Variants in RNF8 observed in about 807,000 individuals in gnomAD.
RNF8 encodes the protein E3 ubiquitin-protein ligase RNF8.
Under a neutral mutation model 59.3 loss-of-function variants are expected in RNF8, and 8 were observed. The ratio of observed to expected loss-of-function variants is 0.13; its 90% CI spans 0.08 to 0.24. RNF8 has a LOEUF of 0.24. Among genes scored for constraint, RNF8 ranks in the 10% least tolerant of loss-of-function variants. RNF8 has a pLI of 1.00. For missense variants in RNF8, 406 were observed against 572.6 expected (o/e 0.71, Z 2.97); for synonymous variants, 162 against 200.0 (o/e 0.81, Z 1.60).
At position 37,360,234 on chromosome 6, in the gene RNF8, C is replaced by T. The variant is rs1339479560; in HGVS notation, c.112-212C>T. Among the ~76,000 whole-genome samples the T allele has an allele frequency of 1.3e-5, 2 of 152,158 alleles. No homozygotes were observed. The highest frequency in any genetic ancestry group is 2.9e-5 in the Non-Finnish European group (2 of 68,042). ...AGATACATGGATAACTCTTTTTCAG[C>T]TTTCTCTTGTTGTCACAACCGTTTG... On this transcript the variant is annotated intron_variant, in intron 1 of 7. Coordinates refer to ENST00000373479, the MANE Select transcript of RNF8 (RefSeq NM_003958.4). The surrounding 1 kb of genome is among the most constrained non-coding windows in gnomAD (Gnocchi z 4.2).
chr6:37,369,121 A>G lies in RNF8; in HGVS notation c.878A>G (p.Gln293Arg), dbSNP rs1218842123. ...KKVVQMEQEL[Q>R]DLQSQLCAEQ... ...GTTGTGCAAATGGAGCAGGAACTTCAGGACTTACAGTCCCAGCTGTGTGCA... is the reference window on the plus strand; with the variant it reads ...GTTGTGCAAATGGAGCAGGAACTTCGGGACTTACAGTCCCAGCTGTGTGCA... The change falls in exon 3 of 8, where the codon CAG (glutamine) becomes CGG (arginine). Residue 293 changes from glutamine (Q) to arginine (R), a missense_variant. By Grantham distance (43) the Gln-to-Arg change is conservative. Transcript: ENST00000373479. The G allele has an allele frequency of 1.2e-6, 2 of 1,614,258 alleles. No individual in the cohort carries two copies. The highest frequency in any genetic ancestry group is 1.7e-6 in the Non-Finnish European group (2 of 1,180,044).
At position 37,356,261 on chromosome 6, in the gene RNF8, C is replaced by T. The variant is rs560439332; in HGVS notation, c.111+1986C>T. 1.4e-3 allele frequency among the ~76,000 whole-genome samples: 211 copies of T among 152,298 alleles called. 4 individuals carry two copies. The highest frequency in any genetic ancestry group is 3.7e-3 in the Admixed American group (56 of 15,288). ...GGAGAAGCCTGCCAGGCTTGGCTGCCTGCAAGGTCAGGTCGTAGCATAGCC... is the reference window on the plus strand; with the variant it reads ...GGAGAAGCCTGCCAGGCTTGGCTGCTTGCAAGGTCAGGTCGTAGCATAGCC... On this transcript the variant is annotated intron_variant, in intron 1 of 7. Coordinates refer to ENST00000373479, the MANE Select transcript of RNF8 (RefSeq NM_003958.4).
intron 7 of RNF8, among the ~76,000 whole-genome samples, chr6:37,388,360 A>T (rs964711155): frequency 1.3e-5 from 2 of 152,206 alleles, no homozygotes; most frequent in Admixed American, 1.3e-4. Context: ...TTAGTTTTCA[A>T]CTGGAAAGTT....
rs866022879 is a variant in RNF8 at position 37,390,474 on chromosome 6, G to T, written c.1442-268G>T. Among the ~76,000 whole-genome samples the T allele has an allele frequency of 7.2e-5, 11 of 152,212 alleles. No individual in the cohort carries two copies. The Middle Eastern group carries it at 0.014, about 188-fold the overall frequency. Reference sequence around the variant, plus strand: ...GCTAGTGCTGGGGAGTGGAGTGAGCGCTGGGGAGTGGGTAGGAGAGGAAGC... The same window carrying T: ...GCTAGTGCTGGGGAGTGGAGTGAGCTCTGGGGAGTGGGTAGGAGAGGAAGC... On this transcript the variant is annotated intron_variant, in intron 7 of 7. Transcript: ENST00000373479.
Position 37,383,884 on chromosome 6 carries a change from GGA to G in RNF8, c.1441+2532_1441+2533del, listed in dbSNP as rs565404911. Among the ~76,000 whole-genome samples, 870 of 152,220 alleles carry G rather than the reference GGA, an allele frequency of 5.7e-3. 7 individuals carry two copies. The highest frequency in any genetic ancestry group is 0.02 in the African/African-American group (815 of 41,516). On this transcript the variant is annotated intron_variant, in intron 7 of 7. Transcript: ENST00000373479. ...AATCCCCTATAGAGTATCTCCCTCT[GGA>G]GCTGGTGAGGTGAGAGAGCAGTCTT...
chr6:37,380,705 C>T (rs1318412984), intron 6 of RNF8, among the ~76,000 whole-genome samples: 27 of 150,998 alleles, frequency 1.8e-4, no homozygotes, highest in Non-Finnish European at 8.8e-5. Context: ...ACCCTAAAAA[C>T]GATTTCTGCC....
chr6:37,365,176 A>G (rs546823587), intron 2 of RNF8, among the ~76,000 whole-genome samples: 1 of 152,352 alleles, frequency 6.6e-6, no homozygotes. Context: ...GCAATAAAAT[A>G]TAACAAACTG....
At chr6:37,380,815 T>C (rs1011558164) in intron 6 of RNF8, among the ~76,000 whole-genome samples, 1 of 152,032 alleles carries the variant, frequency 6.6e-6, no homozygotes, top group Non-Finnish European at 1.5e-5. Context: ...CCCGAGTAGC[T>C]GGGATTACAG....
chr6:37,359,081 G>A (rs1769220984), intron 1 of RNF8: 3 of 387,900 alleles, frequency 7.7e-6, no homozygotes, highest in South Asian at 4.0e-5. Context: ...GGGTGATAAA[G>A]CAAGACTCTC....
rs1054331529 is a variant in RNF8, at chr6:37,368,544, C to T, written c.301C>T (p.His101Tyr). Residue 101 changes from histidine (H) to tyrosine (Y), a missense_variant, in exon 3 of 8, where the codon CAT becomes TAT. By Grantham distance (83) the His-to-Tyr change is moderately conservative. This residue lies in a region of RNF8 where 285 missense variants were observed against 342.0 expected (regional missense o/e 0.83). Coordinates refer to ENST00000373479, the MANE Select transcript of RNF8 (RefSeq NM_003958.4). The stretch of plus-strand genomic sequence containing the variant: ...GGAACCTTTAAGGGTCTATTCCATT[C>T]ATCAGGGAGACTACATCCAACTTGG... ...RLEPLRVYSI[H>Y]QGDYIQLGVP... 4 of 1,614,000 alleles carry T rather than the reference C, an allele frequency of 2.5e-6. No homozygotes were observed. The highest frequency in any genetic ancestry group is 3.4e-6 in the Non-Finnish European group (4 of 1,180,012).
intron 6 of RNF8, among the ~76,000 whole-genome samples, chr6:37,377,803 G>A (rs564610857): frequency 6.6e-6 from 1 of 152,300 alleles, no homozygotes; most frequent in East Asian, 1.9e-4. Flanking sequence ...GTCACTTTGG[G>A]AATTTACGGC....
intron 1 of RNF8, among the ~76,000 whole-genome samples, chr6:37,354,949 T>G (rs955761147): frequency 1.3e-5 from 2 of 152,200 alleles, no homozygotes; most frequent in Admixed American, 6.5e-5. Context: ...CTGAGGAACA[T>G]GGGCGGCTTG....
At chr6:37,376,387 C>T (rs1043132810) in intron 5 of RNF8, among the ~76,000 whole-genome samples, 1 of 152,110 alleles carries the variant, frequency 6.6e-6, no homozygotes, top group Non-Finnish European at 1.5e-5. Context: ...CCATAAACTG[C>T]GTAGCTTAAA....
chr6:37,357,636 G>A (rs953757541), intron 1 of RNF8, among the ~76,000 whole-genome samples: 4 of 152,218 alleles, frequency 2.6e-5, no homozygotes, highest in African/African-American at 9.6e-5. Context: ...AATTCTGGCA[G>A]AGTGTGAAAG....
chr6:37,365,750 A>C (rs890444241), intron 2 of RNF8, among the ~76,000 whole-genome samples: 16 of 152,180 alleles, frequency 1.1e-4, no homozygotes, highest in Non-Finnish European at 7.3e-5. Flanking sequence ...TGCTGCTAGC[A>C]TTGTTCAAAT....
At chr6:37,385,054 C>T (rs1770435721) in intron 7 of RNF8, among the ~76,000 whole-genome samples, 1 of 151,772 alleles carries the variant, frequency 6.6e-6, no homozygotes, top group Admixed American at 6.6e-5. Context: ...GCTCTTGTTG[C>T]CCAGGCTGGA....
chr6:37,356,144 A>G (rs564599118), intron 1 of RNF8, among the ~76,000 whole-genome samples: 228 of 152,318 alleles, frequency 1.5e-3, no homozygotes, highest in African/African-American at 5.2e-3. Context: ...ATTCTAAACC[A>G]TTTGATAGTT....
chr6:37,363,214 A>G (rs886518504), intron 2 of RNF8, among the ~76,000 whole-genome samples: 2 of 152,216 alleles, frequency 1.3e-5, no homozygotes, highest in African/African-American at 2.4e-5. Flanking sequence ...GGGACAGTTC[A>G]GCTTCTGGTC....
intron 4 of RNF8, among the ~76,000 whole-genome samples, chr6:37,371,940 C>T (rs1033681460): frequency 6.6e-5 from 10 of 152,160 alleles, no homozygotes; most frequent in Non-Finnish European, 8.8e-5. Context: ...CCTCTGTTAC[C>T]GCAATGTTCC....
Sources: allele counts gnomAD v4.1 joint callset (sites outside exome capture counted in the v4.1 genomes callset), GRCh38; gene constraint gnomAD v4.1.1; regional missense constraint gnomAD v4.1.1; non-coding constraint Gnocchi (gnomAD v3.1); transcripts MANE v1.5; gene names NCBI Gene and HGNC (gene_info 2026-07-23, HGNC 2026-07-21).